The following ATP8B2 variants were observed in gnomAD, a reference collection of about 807,000 sequenced individuals.
ATP8B2 encodes phospholipid-transporting ATPase ID.
Under a neutral mutation model 133.4 loss-of-function variants are expected in ATP8B2, and 70 were observed. The observed-to-expected ratio is 0.52, with a 90% confidence interval of 0.43 to 0.64. The LOEUF is 0.64. Ranked by LOEUF, ATP8B2 falls within the 30% of genes least tolerant of loss-of-function variation. The pLI is 0.00. For synonymous variants in ATP8B2, 517 were observed against 589.5 expected (o/e 0.88, Z 1.78); for missense variants, 1,101 against 1,535.7 (o/e 0.72, Z 4.73).
chr1:154,328,957 C>G lies in ATP8B2; in HGVS notation c.31+785C>G, dbSNP rs1419126957. 2 of 1,303,780 alleles carry G rather than the reference C, an allele frequency of 1.5e-6. No individual in the cohort carries two copies. The highest frequency in any genetic ancestry group is 2.0e-6 in the Non-Finnish European group (2 of 988,828). 80.8% of individuals were successfully genotyped at this position (1,303,780 alleles called of 1,614,324 possible). ...GCCACTAAGGCCAAGGACATATAGA[C>G]GGTCTGCCCTCCCCCACTCAAACCG... On this transcript the variant is annotated intron_variant, in intron 2 of 27. Coordinates refer to ENST00000368489, the MANE Select transcript of ATP8B2 (RefSeq NM_001370597.1). The surrounding 1 kb of genome is among the most constrained non-coding windows in gnomAD (Gnocchi z 4.6).
rs1327347648 is a variant in ATP8B2 at position 154,331,251 on chromosome 1, T to G, written c.303+105T>G. ...CATCCAGCACAATTTCTTGGTGACC[T>G]TGACATCCCTTACCCGGTCCAGCTA... On this transcript the variant is annotated intron_variant, in intron 5 of 27. Coordinates refer to ENST00000368489, the MANE Select transcript of ATP8B2 (RefSeq NM_001370597.1). This position sits in a 1 kb window ranked among gnomAD's most constrained non-coding sequence, Gnocchi z 4.8. 1.7e-6 allele frequency: 2 copies of G among 1,165,354 alleles called. No individual in the cohort carries two copies. The highest frequency in any genetic ancestry group is 3.1e-5 in the African/African-American group (2 of 64,530). 72.2% of individuals were successfully genotyped at this position (1,165,354 alleles called of 1,614,324 possible).
At chr1:154,337,308 C>G (rs903578128) in intron 11 of ATP8B2, 40 bp from the exon 12 acceptor site, 1 of 1,582,478 alleles carries the variant, frequency 6.3e-7, no homozygotes, top group Non-Finnish European at 8.6e-7. Flanking sequence ...TGAGGGCTTC[C>G]TACATGTCAG....
In ATP8B2 at chr1:154,344,377, T is replaced by C; in HGVS notation, c.2036-18T>C. The C allele has an allele frequency of 3.7e-6, 6 of 1,614,152 alleles. No homozygotes were observed. The highest frequency in any genetic ancestry group is 3.4e-6 in the Non-Finnish European group (4 of 1,180,002). The stretch of plus-strand genomic sequence containing the variant: ...TTGTTGGGTGCCTGTCCGTAGCTCC[T>C]GCGTTCTCTCTTGGTAGAGACGGCT... On this transcript the variant is annotated intron_variant, in intron 19 of 27. Coordinates refer to ENST00000368489, the MANE Select transcript of ATP8B2 (RefSeq NM_001370597.1). This position sits in a 1 kb window ranked among gnomAD's most constrained non-coding sequence, Gnocchi z 4.1.
Position 154,345,198 on chromosome 1 carries a change from G to C in ATP8B2, c.2470+44G>C. The stretch of plus-strand genomic sequence containing the variant: ...GGTGTGTAGGCTGGGCTTGAGGCTG[G>C]GGAGGGGCCCACTGAGGTCTCTGGA... On this transcript the variant is annotated intron_variant, in intron 22 of 27. Coordinates refer to ENST00000368489, the MANE Select transcript of ATP8B2 (RefSeq NM_001370597.1). The surrounding 1 kb of genome is among the most constrained non-coding windows in gnomAD (Gnocchi z 5.6). The C allele has an allele frequency of 1.2e-6, 2 of 1,603,280 alleles. No homozygotes were observed. The highest frequency in any genetic ancestry group is 2.7e-5 in the African/African-American group (2 of 74,832).
In ATP8B2 at chr1:154,329,496, C is replaced by G. The variant is rs532809149; in HGVS notation, c.32-900C>G. Among the ~76,000 whole-genome samples, 3 of 152,080 alleles carry G rather than the reference C, an allele frequency of 2.0e-5. No individual in the cohort carries two copies. In the South Asian group the frequency reaches 6.2e-4, roughly 32 times the overall value. ...GAGGTCATGGTGACCCCCGGGGAGA[C>G]GGGCTGGGGAATCTATTATAGGACA... On this transcript the variant is annotated intron_variant, in intron 2 of 27. Coordinates refer to ENST00000368489, the MANE Select transcript of ATP8B2 (RefSeq NM_001370597.1).
chr1:154,348,898 G>A lies in ATP8B2; in HGVS notation c.3353G>A (p.Arg1118Gln), dbSNP rs139827569. The change falls in exon 28 of 28, where the codon CGG (arginine) becomes CAG (glutamine). Residue 1118 changes from arginine (R) to glutamine (Q), a missense_variant. Physicochemically the swap from Arg to Gln is conservative, Grantham distance 43. Coordinates refer to ENST00000368489, the MANE Select transcript of ATP8B2 (RefSeq NM_001370597.1). ...KQKAQHRCMR[R>Q]VGRTGSRRSG... is the part of the protein sequence containing the mutation. ...AAGGCCCAGCACCGCTGCATGCGGCGGGTTGGCCGCACTGGCTCCCGGCGC... is the reference window on the plus strand; with the variant it reads ...AAGGCCCAGCACCGCTGCATGCGGCAGGTTGGCCGCACTGGCTCCCGGCGC... The A allele has an allele frequency of 9.9e-6, 16 of 1,613,744 alleles. No homozygotes were observed. Among genetic ancestry groups the A allele is most frequent in the South Asian group, 2.2e-5 (2 of 91,038 alleles).
At position 154,330,840 on chromosome 1, in the gene ATP8B2, A is replaced by G; in HGVS notation, c.116A>G (p.Tyr39Cys). 6.2e-7 allele frequency: 1 copy of G among 1,614,120 alleles called. No individual in the cohort carries two copies. The highest frequency in any genetic ancestry group is 8.5e-7 in the Non-Finnish European group (1 of 1,179,968). The change falls in exon 4 of 28, where the codon TAC (tyrosine) becomes TGC (cysteine). Residue 39 changes from tyrosine to cysteine, a missense_variant. Coordinates refer to ENST00000368489, the MANE Select transcript of ATP8B2 (RefSeq NM_001370597.1). The stretch of plus-strand genomic sequence containing the variant: ...AGTAACTGCATCAAGACCTCCAAGT[A>G]CAATATTCTCACCTTCCTGCCTGTC... ...YASNCIKTSK[Y>C]NILTFLPVNL...
rs1043114596 is a variant in ATP8B2 at position 154,349,426 on chromosome 1, C to T, written c.*308C>T. The T allele has an allele frequency of 8.8e-5, 36 of 409,732 alleles. No individual in the cohort carries two copies. The highest frequency in any genetic ancestry group is 6.7e-4 in the African/African-American group (34 of 50,554). 25.4% of individuals were successfully genotyped at this position (409,732 alleles called of 1,614,324 possible). ...AAAAACTGTGAGAGATTGTGTCTGC[C>T]CCTGCCCTGCCTGGGACCCACAGGG... On this transcript the variant is annotated 3_prime_UTR_variant, in exon 28 of 28. Coordinates refer to ENST00000368489, the MANE Select transcript of ATP8B2 (RefSeq NM_001370597.1).
chr1:154,329,973 G>C (rs1317398164), intron 2 of ATP8B2, among the ~76,000 whole-genome samples: 1 of 152,114 alleles, frequency 6.6e-6, no homozygotes, highest in African/African-American at 2.4e-5. Flanking sequence ...GCAGTACCGC[G>C]ACTAGATCTG....
rs2149180177 is a variant in ATP8B2, at chr1:154,351,157, G to GT, written c.*2045dup. ...ATATATTATTTTTTGGTTCTCTCTCGTTTTTTAGGGAGGGAAGAAAGTACC... is the reference window on the plus strand; with the variant it reads ...ATATATTATTTTTTGGTTCTCTCTCGTTTTTTTAGGGAGGGAAGAAAGTACC... On this transcript the variant is annotated 3_prime_UTR_variant, in exon 28 of 28. Coordinates refer to ENST00000368489, the MANE Select transcript of ATP8B2 (RefSeq NM_001370597.1). 2 of 149,014 alleles carry GT rather than the reference G, an allele frequency of 1.3e-5. No homozygotes were observed. Among genetic ancestry groups the GT allele is most frequent in the African/African-American group, 4.9e-5 (2 of 40,478 alleles). The allele number at this position is 149,014 out of a possible 1,614,324, so 9.2% of individuals were successfully genotyped here.
At position 154,348,842 on chromosome 1, in the gene ATP8B2, C is replaced by T; in HGVS notation, c.3297C>T (p.Val1099=). 6.3e-7 allele frequency: 1 copy of T among 1,594,344 alleles called. No homozygotes were observed. The highest frequency in any genetic ancestry group is 8.6e-7 in the Non-Finnish European group (1 of 1,166,592). Residue 1099 remains valine (V), a splice_region_variant and synonymous_variant, in exon 28 of 28, where the codon GTC becomes GTT. Coordinates refer to ENST00000368489, the MANE Select transcript of ATP8B2 (RefSeq NM_001370597.1). ...CTCTTCCCTGTGCCCCTCTGCAGGT[C>T]CGCTACACACAGCTCGTGAGGAAGA... is the stretch of plus-strand genomic sequence containing the variant. The part of the protein sequence containing the change: ...LNLKPDLSDT[V]RYTQLVRKKQ...
intron 8 of ATP8B2, 25 bp downstream of exon 8, chr1:154,332,049 CCT>C (rs1686013375): frequency 6.3e-7 from 1 of 1,599,686 alleles, no homozygotes; most frequent in East Asian, 2.2e-5. Context: ...CAGTGTCAGC[CCT>C]CTCCTTCTGT....
intron 11 of ATP8B2, 47 bp from the exon 12 acceptor site, chr1:154,337,301 G>C: frequency 6.4e-7 from 1 of 1,571,388 alleles, no homozygotes. Context: ...TTGGTTTTGA[G>C]GGCTTCCTAC....
rs1221524130 is a variant in ATP8B2 at position 154,344,715 on chromosome 1, C to T, written c.2216C>T (p.Ser739Phe). Residue 739 changes from serine to phenylalanine, a missense_variant, in exon 21 of 28, where the codon TCT (serine) becomes TTT (phenylalanine). Coordinates refer to ENST00000368489, the MANE Select transcript of ATP8B2 (RefSeq NM_001370597.1). This position sits in a 1 kb window ranked among gnomAD's most constrained non-coding sequence, Gnocchi z 4.1. ...NGFTYQDKLSSSKLTSVLEAV... is the reference protein window; with the variant it reads ...NGFTYQDKLSFSKLTSVLEAV... ...TTCACCTATCAGGACAAGCTTTCTTCTTCCAAGCTAACTTCTGTCCTGGAG... is the reference window on the plus strand; with the variant it reads ...TTCACCTATCAGGACAAGCTTTCTTTTTCCAAGCTAACTTCTGTCCTGGAG... The T allele has an allele frequency of 6.2e-7, 1 of 1,612,078 alleles. No homozygotes were observed. Among genetic ancestry groups the T allele is most frequent in the Admixed American group, 1.7e-5 (1 of 59,982 alleles).
At chr1:154,333,079 G>A (rs928558483) in intron 9 of ATP8B2, among the ~76,000 whole-genome samples, 8 of 152,318 alleles carry the variant, frequency 5.3e-5, no homozygotes, top group East Asian at 3.9e-4. Flanking sequence ...GGAGGCCGAG[G>A]TGGGCGGATT....
At chr1:154,342,641 G>A in intron 14 of ATP8B2, 118 bp downstream of exon 14, 1 of 1,438,798 alleles carries the variant, frequency 7.0e-7, no homozygotes, top group East Asian at 2.3e-5. Context: ...GGAGAAATGG[G>A]TGTTTTAAGG....
intron 1 of ATP8B2, among the ~76,000 whole-genome samples, chr1:154,325,952 C>G (rs1172142988): frequency 6.6e-6 from 1 of 152,024 alleles, no homozygotes; most frequent in Non-Finnish European, 1.5e-5. Flanking sequence ...GATGGGGTGC[C>G]GAAGGGGCGC....
chr1:154,348,201 C>T (rs1039793507), intron 26 of ATP8B2, among the ~76,000 whole-genome samples: 5 of 152,062 alleles, frequency 3.3e-5, no homozygotes, highest in African/African-American at 4.8e-5. Context: ...CCTGGTATGT[C>T]AAGTCTGGCA....
intron 9 of ATP8B2, among the ~76,000 whole-genome samples, chr1:154,333,643 C>CTT (rs60216416): frequency 7.9e-5 from 11 of 139,686 alleles, no homozygotes; most frequent in African/African-American, 2.7e-4. Flanking sequence ...CATGCTGCAG[C>CTT]TTTTTTTTTT....
Sources: allele counts gnomAD v4.1 joint callset (sites outside exome capture counted in the v4.1 genomes callset), GRCh38; gene constraint gnomAD v4.1.1; non-coding constraint Gnocchi (gnomAD v3.1); transcripts MANE v1.5; gene names NCBI Gene and HGNC (gene_info 2026-07-23, HGNC 2026-07-21).